Variants in ADARB2 observed in about 807,000 individuals in gnomAD.
ADARB2 encodes inactive double-stranded RNA-specific editase B2.
Under a neutral mutation model 62.2 loss-of-function variants are expected in ADARB2, and 25 were observed. The ratio of observed to expected loss-of-function variants is 0.40; its 90% CI spans 0.29 to 0.56. ADARB2 has a LOEUF of 0.56. Ranked by LOEUF, ADARB2 falls within the 20% of genes least tolerant of loss-of-function variation. ADARB2 has a pLI of 0.43. For missense variants in ADARB2, 1,071 were observed against 1,077.4 expected, an observed-to-expected ratio of 0.99 and a Z score of 0.08; for synonymous variants, 572 against 500.8, an observed-to-expected ratio of 1.14 and a Z score of -1.90.
chr10:1,246,203 ATTTG>A (rs1476929152), intron 4 of ADARB2, among the ~76,000 whole-genome samples: 3 of 151,848 alleles, frequency 2.0e-5, no homozygotes, highest in Admixed American at 6.6e-5. Context: ...TTTCTTGTAA[ATTTG>A]TTTGAGTTCA....
chr10:1,287,636 C>T (rs1831425987), intron 3 of ADARB2, among the ~76,000 whole-genome samples: 1 of 152,232 alleles, frequency 6.6e-6, no homozygotes, highest in South Asian at 2.1e-4. Flanking sequence ...GAGGAAATTA[C>T]ACATATATCA....
intron 8 of ADARB2, chr10:1,187,749 C>G: frequency 6.6e-6 from 2 of 303,586 alleles, no homozygotes; most frequent in South Asian, 5.0e-5. Flanking sequence ...CACTGCTCCA[C>G]ACTCCGGGGA....
At chr10:1,681,398 A>G in intron 1 of ADARB2, among the ~76,000 whole-genome samples, 1 of 152,094 alleles carries the variant, frequency 6.6e-6, no homozygotes, top group African/African-American at 2.4e-5. Flanking sequence ...CAAAGAAAAT[A>G]TTGTTAGGCC....
At chr10:1,526,092 T>C (rs1236151877) in intron 1 of ADARB2, among the ~76,000 whole-genome samples, 1 of 152,184 alleles carries the variant, frequency 6.6e-6, no homozygotes, top group Non-Finnish European at 1.5e-5. Flanking sequence ...GGGCATGTCC[T>C]AGGTAGAGAC....
At position 1,459,223 on chromosome 10, in the gene ADARB2, C is replaced by T. The variant is rs116365248; in HGVS notation, c.101-80063G>A. ...ATCATCTATCATAAAGACGTACGCA[C>T]GTGTATGTTCACTGCAGCACTACTC... On this transcript the variant is annotated intron_variant, in intron 1 of 9. Transcript: ENST00000381312. Among the ~76,000 whole-genome samples the T allele has an allele frequency of 9.9e-4, 151 of 152,170 alleles. 1 individual carries two copies. The highest frequency in any genetic ancestry group is 3.4e-3 in the African/African-American group (141 of 41,482).
At chr10:1,652,251 C>G (rs1834119752) in intron 1 of ADARB2, among the ~76,000 whole-genome samples, 1 of 152,246 alleles carries the variant, frequency 6.6e-6, no homozygotes, top group Non-Finnish European at 1.5e-5. Flanking sequence ...CCAGTCTCAG[C>G]TTTTAACTGG....
chr10:1,552,120 A>G (rs1336537630), intron 1 of ADARB2, among the ~76,000 whole-genome samples: 1 of 152,172 alleles, frequency 6.6e-6, no homozygotes, highest in Non-Finnish European at 1.5e-5. Context: ...ATTATCAATC[A>G]GGGGTTAAAG....
At chr10:1,322,235 C>T (rs1018727966) in intron 3 of ADARB2, among the ~76,000 whole-genome samples, 7 of 152,020 alleles carry the variant, frequency 4.6e-5, no homozygotes, top group African/African-American at 1.7e-4. Flanking sequence ...AAGGACTCAG[C>T]CCATTTGTTA....
At chr10:1,241,755 C>T (rs749908350) in intron 5 of ADARB2, among the ~76,000 whole-genome samples, 1 of 152,230 alleles carries the variant, frequency 6.6e-6, no homozygotes, top group Non-Finnish European at 1.5e-5. Flanking sequence ...CTCCAAGCCA[C>T]CCCTTGGGCA....
intron 4 of ADARB2, among the ~76,000 whole-genome samples, chr10:1,250,000 T>G (rs1047009230): frequency 4.1e-5 from 6 of 145,782 alleles, no homozygotes; most frequent in African/African-American, 1.5e-4. Context: ...AGGAATAAGT[T>G]TAACGAGAAA....
Position 1,183,038 on chromosome 10 carries a change from G to T in ADARB2, c.*155C>A. ...CTGGAAAGAGGCACGTTCTGAATTT[G>T]TGTTGTTGCTCGTCCAAACATTGCA... On this transcript the variant is annotated 3_prime_UTR_variant, in exon 10 of 10. Transcript: ENST00000381312. 1.2e-6 allele frequency: 1 copy of T among 844,424 alleles called. No individual in the cohort carries two copies. Among genetic ancestry groups the T allele is most frequent in the Non-Finnish European group, 1.8e-6 (1 of 555,980 alleles). The allele number at this position is 844,424 out of a possible 1,614,324, so 52.3% of individuals were successfully genotyped here.
At chr10:1,332,259 C>T (rs1831935025) in intron 3 of ADARB2, among the ~76,000 whole-genome samples, 1 of 151,854 alleles carries the variant, frequency 6.6e-6, no homozygotes, top group South Asian at 2.1e-4. Context: ...AAAAAATTAG[C>T]CAGGTGCGGT....
At chr10:1,449,101 T>C (rs1831006184) in intron 1 of ADARB2, among the ~76,000 whole-genome samples, 1 of 152,196 alleles carries the variant, frequency 6.6e-6, no homozygotes, top group Non-Finnish European at 1.5e-5. Flanking sequence ...GCCTCCATCC[T>C]CGGTCTTTCC....
chr10:1,620,783 G>A (rs1175226142), intron 1 of ADARB2, among the ~76,000 whole-genome samples: 2 of 152,186 alleles, frequency 1.3e-5, no homozygotes, highest in African/African-American at 2.4e-5. Context: ...TTAGATTTAC[G>A]CCTACAGTGA....
chr10:1,614,268 A>G (rs916391337), intron 1 of ADARB2, among the ~76,000 whole-genome samples: 3 of 152,266 alleles, frequency 2.0e-5, no homozygotes, highest in Non-Finnish European at 2.9e-5. Flanking sequence ...ATCAATGTTT[A>G]TTACAGCTTT....
At chr10:1,655,042 C>T (rs1354783608) in intron 1 of ADARB2, among the ~76,000 whole-genome samples, 1 of 152,230 alleles carries the variant, frequency 6.6e-6, no homozygotes, top group African/African-American at 2.4e-5. Context: ...CTCACTTCCC[C>T]TGCAGACCCT....
chr10:1,342,628 C>T (rs1564263012), intron 3 of ADARB2, among the ~76,000 whole-genome samples: 1 of 152,152 alleles, frequency 6.6e-6, no homozygotes, highest in Non-Finnish European at 1.5e-5. Flanking sequence ...TCCAGCCCTG[C>T]CTGTGATGGG....
chr10:1,436,681 G>A (rs1430294486), intron 1 of ADARB2, among the ~76,000 whole-genome samples: 1 of 152,154 alleles, frequency 6.6e-6, no homozygotes, highest in Non-Finnish European at 1.5e-5. Flanking sequence ...TCGGGGAGAA[G>A]CTACCTTAAC....
At chr10:1,425,534 T>C (rs1832887220) in intron 1 of ADARB2, among the ~76,000 whole-genome samples, 1 of 152,180 alleles carries the variant, frequency 6.6e-6, no homozygotes, top group Non-Finnish European at 1.5e-5. Context: ...GCTTGCATAC[T>C]CCCAGTCCTC....
Sources: gnomAD v4.1 joint callset for allele counts (sites outside exome capture counted in the v4.1 genomes callset) on GRCh38, gnomAD v4.1.1 for gene constraint, MANE v1.5 for transcripts, NCBI Gene and HGNC (gene_info 2026-07-23, HGNC 2026-07-21) for gene names.